Variants in POLR3H observed in about 807,000 individuals in gnomAD.
POLR3H encodes RNA polymerase III subunit H.
POLR3H carries 17 observed loss-of-function variants against 25.5 expected under a neutral mutation model. That is an observed-to-expected ratio of 0.67 (90% CI 0.46 to 1.00). The LOEUF (loss-of-function observed/expected upper bound fraction) is 1.00, where lower values mean the gene tolerates loss of function less well. Ranked by LOEUF, POLR3H falls within the 50% of genes least tolerant of loss-of-function variation. POLR3H has a pLI of 0.00. For synonymous variants in POLR3H, 129 were observed against 103.0 expected (o/e 1.25, Z -1.53); for missense variants, 274 against 265.0 (o/e 1.03, Z -0.24).
chr22:41,543,657 AC>A, intron 1 of POLR3H: 1 of 430,890 alleles, frequency 2.3e-6, no homozygotes, highest in South Asian at 2.0e-5. Context: ...ACAAACAACA[AC>A]AACAACAAAA....
In POLR3H at chr22:41,528,410, T is replaced by A; in HGVS notation, c.*873A>T. The stretch of plus-strand genomic sequence containing the variant: ...GTCCCCAGGCAGTGCCCTGTCTCCC[T>A]GACCCCCCTGCGGGGCCAAGGGCAC... On this transcript the variant is annotated 3_prime_UTR_variant, in exon 6 of 6. Coordinates refer to ENST00000355209, the MANE Select transcript of POLR3H (RefSeq NM_001018050.4). 1.3e-6 allele frequency: 2 copies of A among 1,576,938 alleles called. No homozygotes were observed. The highest frequency in any genetic ancestry group is 1.3e-5 in the African/African-American group (1 of 74,158).
chr22:41,540,472 C>G, intron 2 of POLR3H: 1 of 555,624 alleles, frequency 1.8e-6, no homozygotes, highest in East Asian at 3.5e-5. Context: ...CACCCTCTGG[C>G]CATCTCTTTG....
chr22:41,540,614 C>G (rs764908061), intron 2 of POLR3H, 85 bp downstream of exon 2: 2 of 1,028,398 alleles, frequency 1.9e-6, no homozygotes, highest in South Asian at 1.3e-5. Flanking sequence ...AGGCACGCAC[C>G]ACTGAACCTG....
chr22:41,541,597 T>G (rs888187946), intron 1 of POLR3H, among the ~76,000 whole-genome samples: 5 of 152,226 alleles, frequency 3.3e-5, no homozygotes, highest in Non-Finnish European at 5.9e-5. Flanking sequence ...ACAAGATCTG[T>G]GCCCTTTGTC....
chr22:41,543,548 G>T (rs1470025724), intron 1 of POLR3H, among the ~76,000 whole-genome samples: 3 of 152,120 alleles, frequency 2.0e-5, no homozygotes, highest in East Asian at 3.9e-4. Flanking sequence ...TTGAACCCGG[G>T]AGGCGGAGGT....
At position 41,543,837 on chromosome 22, in the gene POLR3H, C is replaced by T. The variant is rs1601972239; in HGVS notation, c.111+154G>A. 9.8e-6 allele frequency: 7 copies of T among 714,246 alleles called. No homozygotes were observed. In the Middle Eastern group the frequency reaches 1.4e-3, roughly 141 times the overall value. The allele number at this position is 714,246 out of a possible 1,614,324, so 44.2% of individuals were successfully genotyped here. On this transcript the variant is annotated intron_variant, in intron 1 of 5. Coordinates refer to ENST00000355209, the MANE Select transcript of POLR3H (RefSeq NM_001018050.4). ...TTCAAGCCCATTTTCTTTTGATCCC[C>T]TTCAATATCTCCTTTCACGGTGAAG...
intron 4 of POLR3H, among the ~76,000 whole-genome samples, chr22:41,531,199 A>G (rs994139439): frequency 6.6e-6 from 1 of 151,578 alleles, no homozygotes; most frequent in Non-Finnish European, 1.5e-5. Context: ...CTCTCAAGAC[A>G]AGAGCAACCT....
Position 41,530,726 on chromosome 22 carries a change from A to AG in POLR3H, c.521_522insC (p.Glu175Ter). 6.2e-7 allele frequency: 1 copy of AG among 1,613,798 alleles called. No homozygotes were observed. The highest frequency in any genetic ancestry group is 1.1e-5 in the South Asian group (1 of 91,066). On this transcript the variant is annotated frameshift_variant, in exon 5 of 6. Transcript: ENST00000355209. LOFTEE classifies it high-confidence loss of function. Reference sequence around the variant, plus strand: ...GAGCCTCCTTCTTTGGCAGCTCCTCACTGGAAGTGGTGGCATCTGCTGAGC... The same window carrying AG: ...GAGCCTCCTTCTTTGGCAGCTCCTCAGCTGGAAGTGGTGGCATCTGCTGAGC...
chr22:41,538,876 C>T (rs1424709506), intron 2 of POLR3H, among the ~76,000 whole-genome samples: 3 of 152,222 alleles, frequency 2.0e-5, no homozygotes, highest in African/African-American at 7.2e-5. Flanking sequence ...CTGGAATGTT[C>T]TGGCATCTCT....
In POLR3H at chr22:41,530,743, C is replaced by A. The variant is rs1193025114; in HGVS notation, c.505G>T (p.Asp169Tyr). Residue 169 changes from aspartate (D) to tyrosine (Y), a missense_variant, in exon 5 of 6, where the codon GAT (aspartate) becomes TAT (tyrosine). Physicochemically the swap from Asp to Tyr is radical, Grantham distance 160. Coordinates refer to ENST00000355209, the MANE Select transcript of POLR3H (RefSeq NM_001018050.4). ...AGCTCCTCACTGGAAGTGGTGGCAT[C>A]TGCTGAGCTGGGCCCTGTGGGGGAC... ...DTSPTGPSSA[D>Y]ATTSSEELPK... The A allele has an allele frequency of 6.2e-7, 1 of 1,613,870 alleles. No individual in the cohort carries two copies. Among genetic ancestry groups the A allele is most frequent in the Non-Finnish European group, 8.5e-7 (1 of 1,180,050 alleles).
Position 41,527,459 on chromosome 22 carries a change from C to T in POLR3H, c.*1824G>A. ...TGTACCCAGGCCATCCTCATCCCAT[C>T]CCTAGTGATCAAGGTCACTCTCCCT... On this transcript the variant is annotated 3_prime_UTR_variant, in exon 6 of 6. Transcript: ENST00000355209. 6.4e-7 allele frequency: 1 copy of T among 1,574,632 alleles called. No individual in the cohort carries two copies. The highest frequency in any genetic ancestry group is 8.6e-7 in the Non-Finnish European group (1 of 1,160,700).
Position 41,526,950 on chromosome 22 carries a change from T to C in POLR3H, c.*2333A>G. The C allele has an allele frequency of 2.5e-6, 1 of 404,950 alleles. No homozygotes were observed. Among genetic ancestry groups the C allele is most frequent in the East Asian group, 4.8e-5 (1 of 20,758 alleles). 25.1% of individuals were successfully genotyped at this position (404,950 alleles called of 1,614,324 possible). ...CTCCCAGGAAGGGGGCGCCTTGAGC[T>C]TCACAGATGCATCTTGTGTGGGGCC... On this transcript the variant is annotated 3_prime_UTR_variant, in exon 6 of 6. Transcript: ENST00000355209.
chr22:41,537,655 G>A (rs1486453705), intron 2 of POLR3H, among the ~76,000 whole-genome samples: 1 of 152,172 alleles, frequency 6.6e-6, no homozygotes, highest in African/African-American at 2.4e-5. Context: ...CCCCATCCAG[G>A]AGACCAGAGC....
At position 41,527,237 on chromosome 22, in the gene POLR3H, G is replaced by A. The variant is rs760582933; in HGVS notation, c.*2046C>T. The A allele has an allele frequency of 3.1e-6, 5 of 1,612,532 alleles. No homozygotes were observed. The South Asian group carries it at 3.3e-5, about 11-fold the overall frequency. The stretch of plus-strand genomic sequence containing the variant: ...GCCAGGCAGGTAGGGCCAGACAGGT[G>A]AGGACGGTGCCCTCCTCTGCCTTAT... On this transcript the variant is annotated 3_prime_UTR_variant, in exon 6 of 6. Transcript: ENST00000355209.
rs2066607998 is a variant in POLR3H, at chr22:41,526,802, G to C, written c.*2481C>G. The C allele has an allele frequency of 3.0e-6, 1 of 333,530 alleles. No homozygotes were observed. 20.7% of individuals were successfully genotyped at this position (333,530 alleles called of 1,614,324 possible). A position where few individuals can be genotyped will look rare whatever the true frequency, so the allele number is the denominator to read the frequency against. On this transcript the variant is annotated 3_prime_UTR_variant, in exon 6 of 6. Coordinates refer to ENST00000355209, the MANE Select transcript of POLR3H (RefSeq NM_001018050.4). ...GCCTCACAGTGAGCAGGCAGAGAGG[G>C]TCTGAGGTGATTGGACTTTTTCTGC... is the stretch of plus-strand genomic sequence containing the variant.
intron 1 of POLR3H, among the ~76,000 whole-genome samples, chr22:41,543,195 G>A (rs567477477): frequency 6.6e-6 from 1 of 152,240 alleles, no homozygotes; most frequent in Non-Finnish European, 1.5e-5. Context: ...TCAAAGAAAC[G>A]GCAGTGGGAA....
At position 41,528,684 on chromosome 22, in the gene POLR3H, G is replaced by C. The variant is rs138060670; in HGVS notation, c.*599C>G. On this transcript the variant is annotated 3_prime_UTR_variant, in exon 6 of 6. Transcript: ENST00000355209. ...CGTGTGCCATCAGTGGATCCGATCC[G>C]TCCAGCCATGGCTTCCTATTCCAAG... is the stretch of plus-strand genomic sequence containing the variant. 2 of 1,562,674 alleles carry C rather than the reference G, an allele frequency of 1.3e-6. No homozygotes were observed. The highest frequency in any genetic ancestry group is 2.7e-5 in the African/African-American group (2 of 73,904).
In POLR3H at chr22:41,526,106, C is replaced by T. The variant is rs1285766995; in HGVS notation, c.*3177G>A. On this transcript the variant is annotated 3_prime_UTR_variant, in exon 6 of 6. Coordinates refer to ENST00000355209, the MANE Select transcript of POLR3H (RefSeq NM_001018050.4). ...CCCATGTGGCCTTAGGGTGGAAGCA[C>T]CAGGACCACAGAACACGTGTCTGAA... The T allele has an allele frequency of 1.6e-6, 1 of 637,142 alleles. No homozygotes were observed. The highest frequency in any genetic ancestry group is 2.7e-6 in the Non-Finnish European group (1 of 371,282). 39.5% of individuals were successfully genotyped at this position (637,142 alleles called of 1,614,324 possible).
rs374100179 is a variant in POLR3H at position 41,527,888 on chromosome 22, G to A, written c.*1395C>T. ...GTCAGGCCCCCGATGACCGAATGCC[G>A]CCTGCTTTCCAGAGACCAACCTGAA... is the stretch of plus-strand genomic sequence containing the variant. On this transcript the variant is annotated 3_prime_UTR_variant, in exon 6 of 6. Coordinates refer to ENST00000355209, the MANE Select transcript of POLR3H (RefSeq NM_001018050.4). 3.1e-4 allele frequency: 504 copies of A among 1,613,934 alleles called. 1 individual carries two copies. Among genetic ancestry groups the A allele is most frequent in the Non-Finnish European group, 3.8e-4 (450 of 1,180,022 alleles).
Sources: gnomAD v4.1 joint callset for allele counts (sites outside exome capture counted in the v4.1 genomes callset) on GRCh38, gnomAD v4.1.1 for gene constraint, MANE v1.5 for transcripts, NCBI Gene and HGNC (gene_info 2026-07-23, HGNC 2026-07-21) for gene names.